Variants in ARAP2 observed in about 807,000 individuals in gnomAD.
The protein encoded by ARAP2 is arf-GAP with Rho-GAP domain, ANK repeat and PH domain-containing protein 2.
A neutral mutation model predicts 194.5 loss-of-function variants in ARAP2; 148 were observed. The ratio of observed to expected loss-of-function variants is 0.76; its 90% CI spans 0.67 to 0.87. The LOEUF (loss-of-function observed/expected upper bound fraction) is 0.87, where lower values mean the gene tolerates loss of function less well. ARAP2 is among the 40% of genes least tolerant of loss of function. The pLI is 0.00. For synonymous variants in ARAP2, 695 were observed against 683.5 expected, an observed-to-expected ratio of 1.02 and a Z score of -0.26; for missense variants, 2,128 against 1,989.7, an observed-to-expected ratio of 1.07 and a Z score of -1.32.
At chr4:36,056,201 T>A (rs1480982148) in intron 2 of ARAP2, among the ~76,000 whole-genome samples, 1 of 152,196 alleles carries the variant, frequency 6.6e-6, no homozygotes, top group African/African-American at 2.4e-5. Context: ...GTATAAAGTA[T>A]GTGGGGTATA....
rs376822282 is a variant in ARAP2, at chr4:36,080,338, G to A, written c.4545-59C>T. 10 of 1,379,050 alleles carry A rather than the reference G, an allele frequency of 7.3e-6. No individual in the cohort carries two copies. The African/African-American group carries it at 1.4e-4, about 20-fold the overall frequency. The allele number at this position is 1,379,050 out of a possible 1,614,324, so 85.4% of individuals were successfully genotyped here. On this transcript the variant is annotated intron_variant, in intron 30 of 32. Coordinates refer to ENST00000303965, the MANE Select transcript of ARAP2 (RefSeq NM_015230.4). The stretch of plus-strand genomic sequence containing the variant: ...AAAAGACAATTGACTGTTCTCTAGT[G>A]TATCTGCTGAGTGATTTGGTGATCA...
rs1290063614 is a variant in ARAP2, at chr4:36,066,885, T to C, written c.*1022A>G. 6.6e-6 allele frequency: 1 copy of C among 152,190 alleles called. No individual in the cohort carries two copies. The highest frequency in any genetic ancestry group is 1.5e-5 in the Non-Finnish European group (1 of 68,024). The allele number at this position is 152,190 out of a possible 1,614,324, so 9.4% of individuals were successfully genotyped here. A position where few individuals can be genotyped will look rare whatever the true frequency, so the allele number is the denominator to read the frequency against. On this transcript the variant is annotated 3_prime_UTR_variant, in exon 33 of 33. Coordinates refer to ENST00000303965, the MANE Select transcript of ARAP2 (RefSeq NM_015230.4). Reference sequence around the variant, plus strand: ...AGCCCCTGGCTCCATAATGGCCATATATTGTATTCTTCCAGTTATTTCTGA... The same window carrying C: ...AGCCCCTGGCTCCATAATGGCCATACATTGTATTCTTCCAGTTATTTCTGA...
Position 36,150,936 on chromosome 4 carries a change from A to G in ARAP2, c.2861T>C (p.Leu954Pro), listed in dbSNP as rs757805863. 1 of 1,613,296 alleles carries G rather than the reference A, an allele frequency of 6.2e-7. No individual in the cohort carries two copies. The highest frequency in any genetic ancestry group is 8.5e-7 in the Non-Finnish European group (1 of 1,179,648). Residue 954 changes from leucine (L) to proline (P), a missense_variant, in exon 16 of 33, where the codon CTG (leucine) becomes CCG (proline). Coordinates refer to ENST00000303965, the MANE Select transcript of ARAP2 (RefSeq NM_015230.4). ...GTININEVIC[L>P]AIHKEDFYLN... ...ATAGAAGTCCTCTTTGTGTATAGCCAGGCAGATAACTTCATTGATATTAAT... is the reference window on the plus strand; with the variant it reads ...ATAGAAGTCCTCTTTGTGTATAGCCGGGCAGATAACTTCATTGATATTAAT...
At chr4:36,009,462 G>T (rs997246263) in intron 9 of ARAP2, among the ~76,000 whole-genome samples, 76 of 151,938 alleles carry the variant, frequency 5.0e-4, no homozygotes, top group Admixed American at 5.0e-3. Context: ...ATAAACATTG[G>T]GTATACATGG....
intron 5 of ARAP2, among the ~76,000 whole-genome samples, chr4:36,021,706 C>T (rs1716975703): frequency 6.6e-6 from 1 of 152,036 alleles, no homozygotes; most frequent in Non-Finnish European, 1.5e-5. Context: ...AATAGCAATG[C>T]AAGAACAGCC....
intron 31 of ARAP2, among the ~76,000 whole-genome samples, chr4:36,075,146 C>A (rs1260576417): frequency 1.3e-5 from 2 of 152,062 alleles, no homozygotes; most frequent in Non-Finnish European, 2.9e-5. Context: ...AGAAAACTGA[C>A]TGAGAGGGAA....
At chr4:36,167,375 G>T (rs1422229412) in intron 9 of ARAP2, among the ~76,000 whole-genome samples, 1 of 152,024 alleles carries the variant, frequency 6.6e-6, no homozygotes, top group Non-Finnish European at 1.5e-5. Flanking sequence ...ACCTCTTATT[G>T]TATGTCAAGC....
intron 9 of ARAP2, among the ~76,000 whole-genome samples, chr4:36,007,731 T>C (rs1713593103): frequency 6.6e-6 from 1 of 152,176 alleles, no homozygotes; most frequent in Non-Finnish European, 1.5e-5. Flanking sequence ...CTCAATGATA[T>C]TAAATGTTAT....
intron 2 of ARAP2, among the ~76,000 whole-genome samples, chr4:36,214,775 A>G (rs1747544139): frequency 6.6e-6 from 1 of 152,258 alleles, no homozygotes; most frequent in Non-Finnish European, 1.5e-5. Flanking sequence ...ACTCACATCT[A>G]TAATTTACAA....
intron 1 of ARAP2, among the ~76,000 whole-genome samples, chr4:36,237,640 G>A (rs1197603697): frequency 1.3e-5 from 2 of 152,106 alleles, no homozygotes; most frequent in African/African-American, 4.8e-5. Flanking sequence ...TAAACTTCCT[G>A]AGGCCTCACC....
chr4:36,229,146 G>A lies in ARAP2; in HGVS notation c.341C>T (p.Thr114Ile), dbSNP rs1048292371. The change falls in exon 2 of 33, where the codon ACA (threonine) becomes ATA (isoleucine). Residue 114 changes from threonine (T) to isoleucine (I), a missense_variant. By Grantham distance (89) the Thr-to-Ile change is moderately conservative. Coordinates refer to ENST00000303965, the MANE Select transcript of ARAP2 (RefSeq NM_015230.4). ...IELSNSGSVQ[T>I]SSPPQLETVR... The stretch of plus-strand genomic sequence containing the variant: ...AGTCTCCAACTGCGGTGGGCTAGAT[G>A]TCTGAACACTACCAGAATTGGAAAG... 2.5e-6 allele frequency: 4 copies of A among 1,614,122 alleles called. No individual in the cohort carries two copies. Among genetic ancestry groups the A allele is most frequent in the South Asian group, 2.2e-5 (2 of 91,076 alleles).
chr4:36,242,198 C>A (rs528395823), intron 1 of ARAP2, among the ~76,000 whole-genome samples: 1 of 152,250 alleles, frequency 6.6e-6, no homozygotes, highest in South Asian at 2.1e-4. Flanking sequence ...CATATGTGGT[C>A]AAAGCTAAGA....
chr4:36,099,957 A>G (rs1716405961), intron 27 of ARAP2, among the ~76,000 whole-genome samples: 1 of 152,106 alleles, frequency 6.6e-6, no homozygotes, highest in Non-Finnish European at 1.5e-5. Context: ...CTACCCTTAC[A>G]AAAGTCTGAT....
At chr4:36,199,949 A>G (rs1744017651) in intron 6 of ARAP2, among the ~76,000 whole-genome samples, 1 of 152,234 alleles carries the variant, frequency 6.6e-6, no homozygotes, top group Middle Eastern at 3.2e-3. Flanking sequence ...TATACCTTAA[A>G]CACATATAAT....
Position 36,212,473 on chromosome 4 carries a change from C to A in ARAP2, c.1056G>T (p.Lys352Asn), listed in dbSNP as rs1746969292. Reference protein sequence around the residue: ...RLENSKKRSIKNEFLTQGEAL... With the variant: ...RLENSKKRSINNEFLTQGEAL... ...CTTCTCCCTGGGTCAAAAATTCATTCTTTATAGATCGCTTCTATTAAAAAA... is the reference window on the plus strand; with the variant it reads ...CTTCTCCCTGGGTCAAAAATTCATTATTTATAGATCGCTTCTATTAAAAAA... Residue 352 changes from lysine (K) to asparagine (N), a missense_variant, in exon 5 of 33, where the codon AAG (lysine) becomes AAT (asparagine). Lys to Asn is a moderately conservative substitution (Grantham distance 94). Coordinates refer to ENST00000303965, the MANE Select transcript of ARAP2 (RefSeq NM_015230.4). 2.5e-6 allele frequency: 4 copies of A among 1,611,320 alleles called. No individual in the cohort carries two copies. Among genetic ancestry groups the A allele is most frequent in the Non-Finnish European group, 3.4e-6 (4 of 1,178,228 alleles).
chr4:36,107,217 G>A (rs1351346302), intron 27 of ARAP2, among the ~76,000 whole-genome samples: 1 of 151,960 alleles, frequency 6.6e-6, no homozygotes, highest in Non-Finnish European at 1.5e-5. Flanking sequence ...TTAATGCCTA[G>A]AAAGCTTTCT....
intron 26 of ARAP2, among the ~76,000 whole-genome samples, chr4:36,111,276 CCTT>C (rs1261015783): frequency 6.6e-6 from 1 of 151,826 alleles, no homozygotes; most frequent in African/African-American, 2.4e-5. Flanking sequence ...ACTTTTATCT[CCTT>C]CTCATATTTC....
At chr4:36,177,519 TG>T (rs937057833) in intron 9 of ARAP2, among the ~76,000 whole-genome samples, 20 of 152,166 alleles carry the variant, frequency 1.3e-4, no homozygotes, top group Non-Finnish European at 2.4e-4. Context: ...GGTCCTTAAT[TG>T]TTCTCTCATG....
chr4:36,154,807 A>G (rs1731851432), intron 15 of ARAP2, among the ~76,000 whole-genome samples: 1 of 152,182 alleles, frequency 6.6e-6, no homozygotes, highest in Admixed American at 6.5e-5. Context: ...GTGCTGATGG[A>G]GTGGTAGCAT....
Sources: gnomAD v4.1 joint callset for allele counts (sites outside exome capture counted in the v4.1 genomes callset) on GRCh38, gnomAD v4.1.1 for gene constraint, MANE v1.5 for transcripts, NCBI Gene and HGNC (gene_info 2026-07-23, HGNC 2026-07-21) for gene names.